IGF2BP2: variants seen among roughly 807,000 people sequenced by gnomAD.
IGF2BP2 encodes the protein insulin like growth factor 2 mRNA binding protein 2.
Under a neutral mutation model 75.8 loss-of-function variants are expected in IGF2BP2, and 17 were observed. That is an observed-to-expected ratio of 0.22 (90% CI 0.15 to 0.34). IGF2BP2 has a LOEUF of 0.34. IGF2BP2 is among the 10% of genes least tolerant of loss of function. The pLI is 1.00. For missense variants in IGF2BP2, 516 were observed against 772.4 expected (o/e 0.67, Z 3.93); for synonymous variants, 288 against 295.6 (o/e 0.97, Z 0.26).
intron 10 of IGF2BP2, among the ~76,000 whole-genome samples, chr3:185,670,283 T>G (rs1412953197): frequency 6.6e-6 from 1 of 152,222 alleles, no homozygotes. Flanking sequence ...GAAAATATTC[T>G]GCTATTAAAA....
Position 185,652,143 on chromosome 3 carries a change from A to C in IGF2BP2, c.1412T>G (p.Val471Gly). The change falls in exon 13 of 16, where the codon GTC (valine) becomes GGC (glycine). Residue 471 changes from valine (V) to glycine (G), a missense_variant. Transcript: ENST00000382199. ...GGTGATGATGACCATCCTTTCGCTG[A>C]CGTCTGGGCCTTCCGCAGGGGCAAT... ...IKIAPAEGPD[V>G]SERMVIITGP... 6.2e-7 allele frequency: 1 copy of C among 1,612,802 alleles called. No individual in the cohort carries two copies. The highest frequency in any genetic ancestry group is 8.5e-7 in the Non-Finnish European group (1 of 1,179,128).
rs538312504 is a variant in IGF2BP2, at chr3:185,653,393, G to A, written c.1387-1225C>T. 2.6e-5 allele frequency among the ~76,000 whole-genome samples: 4 copies of A among 152,212 alleles called. No individual in the cohort carries two copies. In the South Asian group the frequency reaches 8.3e-4, roughly 32 times the overall value. Reference sequence around the variant, plus strand: ...CCCAGCACTTTGGGAGACCGAGATGGACAGATCACCTGGGGTCAGGAGTTC... The same window carrying A: ...CCCAGCACTTTGGGAGACCGAGATGAACAGATCACCTGGGGTCAGGAGTTC... On this transcript the variant is annotated intron_variant, in intron 12 of 15. Coordinates refer to ENST00000382199, the MANE Select transcript of IGF2BP2 (RefSeq NM_006548.6).
chr3:185,793,993 C>G (rs963552552), intron 2 of IGF2BP2, among the ~76,000 whole-genome samples: 2 of 142,840 alleles, frequency 1.4e-5, no homozygotes, highest in Non-Finnish European at 3.0e-5. Context: ...GAGTCTTGCT[C>G]TGTCGCCCAG....
intron 4 of IGF2BP2, chr3:185,693,252 T>C (rs1012595325): frequency 2.0e-5 from 3 of 152,586 alleles, no homozygotes; most frequent in Non-Finnish European, 4.4e-5. Context: ...AGAAAAGTAA[T>C]GCAGTAAAAG....
At chr3:185,755,894 T>A (rs1159196948) in intron 2 of IGF2BP2, among the ~76,000 whole-genome samples, 2 of 152,182 alleles carry the variant, frequency 1.3e-5, no homozygotes, top group Non-Finnish European at 2.9e-5. Context: ...TTTCGGACTT[T>A]GAGTTGATGC....
At chr3:185,718,731 G>C (rs1178936965) in intron 2 of IGF2BP2, among the ~76,000 whole-genome samples, 2 of 151,020 alleles carry the variant, frequency 1.3e-5, no homozygotes, top group Non-Finnish European at 2.9e-5. Flanking sequence ...CTCCCTCCTG[G>C]AACTGGCAGA....
chr3:185,645,736 G>A lies in IGF2BP2; in HGVS notation c.1708-113C>T. Reference sequence around the variant, plus strand: ...TTGGGGATGAAGGGTGGAATGCTCAGACAAGCATCATCTACCCACCCCCGC... The same window carrying A: ...TTGGGGATGAAGGGTGGAATGCTCAAACAAGCATCATCTACCCACCCCCGC... On this transcript the variant is annotated intron_variant, in intron 15 of 15. Transcript: ENST00000382199. The surrounding 1 kb of genome is among the most constrained non-coding windows in gnomAD (Gnocchi z 4.9). 2 of 756,940 alleles carry A rather than the reference G, an allele frequency of 2.6e-6. No homozygotes were observed. Among genetic ancestry groups the A allele is most frequent in the Non-Finnish European group, 4.7e-6 (2 of 429,772 alleles). 46.9% of individuals were successfully genotyped at this position (756,940 alleles called of 1,614,324 possible).
At chr3:185,800,718 A>AGAAAGAAAGAAAGAAAGAAAGAAAG (rs1738103209) in intron 2 of IGF2BP2, among the ~76,000 whole-genome samples, 3 of 143,394 alleles carry the variant, frequency 2.1e-5, no homozygotes, top group East Asian at 2.0e-4. Context: ...GAGCCAAAAA[A>AGAAAGAAAGAAAGAAAGAAAGAAAG]AAAGAAAGAA....
At chr3:185,755,805 T>C (rs1023577203) in intron 2 of IGF2BP2, among the ~76,000 whole-genome samples, 1 of 152,260 alleles carries the variant, frequency 6.6e-6, no homozygotes, top group Non-Finnish European at 1.5e-5. Context: ...ACCACCATTG[T>C]ACCTTGGAAG....
chr3:185,746,990 G>T (rs1339877934), intron 2 of IGF2BP2, among the ~76,000 whole-genome samples: 1 of 151,972 alleles, frequency 6.6e-6, no homozygotes, highest in Non-Finnish European at 1.5e-5. Flanking sequence ...TGGACAAGAG[G>T]CAAAATCAAA....
intron 2 of IGF2BP2, among the ~76,000 whole-genome samples, chr3:185,759,729 G>A (rs758536429): frequency 2.2e-4 from 33 of 152,136 alleles, no homozygotes; most frequent in African/African-American, 7.0e-4. Context: ...CTCAGAAGTC[G>A]CCCATAAATC....
intron 2 of IGF2BP2, among the ~76,000 whole-genome samples, chr3:185,725,883 G>A (rs973686500): frequency 1.3e-5 from 2 of 152,136 alleles, no homozygotes; most frequent in African/African-American, 2.4e-5. Context: ...AGGATCACCT[G>A]AGCCCAGGAA....
intron 2 of IGF2BP2, among the ~76,000 whole-genome samples, chr3:185,767,448 T>C (rs80241172): frequency 0.034 from 5,138 of 152,304 alleles, 136 homozygotes; most frequent in South Asian, 0.065. Context: ...TCTGTAGTTA[T>C]GTAAATAAAT....
intron 2 of IGF2BP2, among the ~76,000 whole-genome samples, chr3:185,778,969 C>T (rs989229716): frequency 1.3e-5 from 2 of 152,152 alleles, no homozygotes; most frequent in South Asian, 2.1e-4. Context: ...AGAGCTAACA[C>T]ACTACCATGC....
chr3:185,804,116 G>A (rs1332044621), intron 2 of IGF2BP2, among the ~76,000 whole-genome samples: 3 of 152,162 alleles, frequency 2.0e-5, no homozygotes, highest in Non-Finnish European at 4.4e-5. Flanking sequence ...AATTAGCCAG[G>A]CGTGGTGGCA....
intron 10 of IGF2BP2, among the ~76,000 whole-genome samples, chr3:185,665,473 AAGG>A (rs1423720873): frequency 9.0e-5 from 6 of 66,838 alleles, no homozygotes; most frequent in East Asian, 3.5e-4. Context: ...GAAGAAGAAG[AAGG>A]AGAAGAAGGA....
At chr3:185,824,146 G>A (rs1479454019) in intron 1 of IGF2BP2, among the ~76,000 whole-genome samples, 1 of 151,896 alleles carries the variant, frequency 6.6e-6, no homozygotes, top group Non-Finnish European at 1.5e-5. Context: ...AGGACCGAGG[G>A]GATGTGCCGT....
chr3:185,823,220 A>G lies in IGF2BP2; in HGVS notation c.179-7T>C. ...CCATGCAATTCCACTTTACCTTTAA[A>G]ACAGAAATTAAAGCACTCAGAACCT... is the stretch of plus-strand genomic sequence containing the variant. On this transcript the variant is annotated splice_polypyrimidine_tract_variant and splice_region_variant and intron_variant, in intron 1 of 15. Coordinates refer to ENST00000382199, the MANE Select transcript of IGF2BP2 (RefSeq NM_006548.6). The G allele has an allele frequency of 6.2e-7, 1 of 1,606,112 alleles. No homozygotes were observed. Among genetic ancestry groups the G allele is most frequent in the South Asian group, 1.1e-5 (1 of 90,156 alleles).
In IGF2BP2 at chr3:185,659,801, C is replaced by CT. The variant is rs35620040; in HGVS notation, c.1201-1393dup. On this transcript the variant is annotated intron_variant, in intron 10 of 15. Coordinates refer to ENST00000382199, the MANE Select transcript of IGF2BP2 (RefSeq NM_006548.6). ...AGAAGGAACTATGTCTGATTTGATACTTTTTTTTTTTTGAGATGGTGTTTC... is the reference window on the plus strand; with the variant it reads ...AGAAGGAACTATGTCTGATTTGATACTTTTTTTTTTTTTGAGATGGTGTTTC... Among the ~76,000 whole-genome samples the CT allele has an allele frequency of 2.1e-3, 304 of 144,344 alleles. 1 individual carries two copies. Among genetic ancestry groups the CT allele is most frequent in the South Asian group, 0.016 (74 of 4,508 alleles). 94.7% of individuals were successfully genotyped at this position (144,344 alleles called of 152,430 possible). A position where few individuals can be genotyped will look rare whatever the true frequency, so the allele number is the denominator to read the frequency against.
Sources: gnomAD v4.1 joint callset for allele counts (sites outside exome capture counted in the v4.1 genomes callset) on GRCh38, gnomAD v4.1.1 for gene constraint, Gnocchi (gnomAD v3.1) non-coding constraint, MANE v1.5 for transcripts, NCBI Gene and HGNC (gene_info 2026-07-23, HGNC 2026-07-21) for gene names.